KANSL1L: variants seen among roughly 807,000 people sequenced by gnomAD.
KANSL1L encodes the protein KAT8 regulatory NSL complex subunit 1-like protein.
In KANSL1L, 25 loss-of-function variants were observed where a neutral mutation model predicts 108.6. The observed-to-expected ratio is 0.23, with a 90% CI of 0.17 to 0.32. KANSL1L has a LOEUF of 0.32. Among genes scored for constraint, KANSL1L ranks in the 10% least tolerant of loss-of-function variants. KANSL1L has a pLI of 1.00. For missense variants in KANSL1L, 1,137 were observed against 1,125.7 expected (o/e 1.01, Z -0.14); for synonymous variants, 405 against 395.1 (o/e 1.03, Z -0.30).
chr2:210,128,328 C>G (rs954995167), intron 3 of KANSL1L, among the ~76,000 whole-genome samples: 1 of 152,124 alleles, frequency 6.6e-6, no homozygotes, highest in African/African-American at 2.4e-5. Context: ...TCATAGCATA[C>G]TCACAATAGC....
At chr2:210,141,892 A>T (rs913698891) in intron 2 of KANSL1L, among the ~76,000 whole-genome samples, 5 of 152,138 alleles carry the variant, frequency 3.3e-5, no homozygotes, top group African/African-American at 1.2e-4. Context: ...CATCCCAGGG[A>T]TAAATTCCAC....
chr2:210,097,802 T>C (rs1168062714), intron 5 of KANSL1L: 3 of 192,298 alleles, frequency 1.6e-5, no homozygotes, highest in Non-Finnish European at 3.2e-5. Context: ...GTATATTAAA[T>C]AAGGCAGTAC....
Position 210,145,929 on chromosome 2 carries a change from G to A in KANSL1L, c.1088+7566C>T, listed in dbSNP as rs371422022. Among the ~76,000 whole-genome samples the A allele has an allele frequency of 2.2e-4, 34 of 152,128 alleles. No individual in the cohort carries two copies. In the East Asian group the frequency reaches 5.8e-3, roughly 26 times the overall value. On this transcript the variant is annotated intron_variant, in intron 2 of 14. Coordinates refer to ENST00000281772, the MANE Select transcript of KANSL1L (RefSeq NM_152519.4). ...TGGGGCAGTGGAAGCTCTGGAGTCT[G>A]GGGCTCATGTCAGGATTGGGAGGGT...
chr2:210,061,203 T>TA (rs1003846098), intron 6 of KANSL1L, among the ~76,000 whole-genome samples: 6 of 152,246 alleles, frequency 3.9e-5, no homozygotes, highest in African/African-American at 1.2e-4. Context: ...ATAATTATTG[T>TA]AACTATTAGC....
At chr2:210,057,248 A>C (rs188295323) in intron 6 of KANSL1L, among the ~76,000 whole-genome samples, 12 of 152,272 alleles carry the variant, frequency 7.9e-5, no homozygotes, top group Non-Finnish European at 1.5e-4. Flanking sequence ...CTAAAAATAC[A>C]AAAATTAGGT....
Position 210,127,543 on chromosome 2 carries a change from T to C in KANSL1L, c.1230+1488A>G, listed in dbSNP as rs181526135. 9.2e-5 allele frequency among the ~76,000 whole-genome samples: 14 copies of C among 152,136 alleles called. No individual in the cohort carries two copies. The Middle Eastern group carries it at 0.01, about 111-fold the overall frequency. Reference sequence around the variant, plus strand: ...TGAGCACAGGGGCTCACATTTGTCATACCAGCACTTTTTGAGAGGCCAAGA... The same window carrying C: ...TGAGCACAGGGGCTCACATTTGTCACACCAGCACTTTTTGAGAGGCCAAGA... On this transcript the variant is annotated intron_variant, in intron 3 of 14. Coordinates refer to ENST00000281772, the MANE Select transcript of KANSL1L (RefSeq NM_152519.4).
intron 6 of KANSL1L, among the ~76,000 whole-genome samples, chr2:210,048,544 T>C (rs1372778251): frequency 6.6e-6 from 1 of 152,132 alleles, no homozygotes; most frequent in Non-Finnish European, 1.5e-5. Context: ...AGTTATTTTG[T>C]AGGAATATGT....
At chr2:210,130,790 G>T (rs1291550002) in intron 2 of KANSL1L, among the ~76,000 whole-genome samples, 1 of 150,616 alleles carries the variant, frequency 6.6e-6, no homozygotes, top group Non-Finnish European at 1.5e-5. Flanking sequence ...CACAGGTGAG[G>T]ATAAAATGTT....
chr2:210,024,488 T>C (rs2093908001), intron 13 of KANSL1L, among the ~76,000 whole-genome samples: 1 of 152,142 alleles, frequency 6.6e-6, no homozygotes, highest in African/African-American at 2.4e-5. Context: ...AAATGAAAGA[T>C]GCTCCTTAAC....
intron 6 of KANSL1L, among the ~76,000 whole-genome samples, chr2:210,046,374 T>A (rs116288677): frequency 0.016 from 2,433 of 152,206 alleles, 29 homozygotes; most frequent in Non-Finnish European, 0.026. Context: ...CATCTAAATA[T>A]CATCTAAATC....
rs560477741 is a variant in KANSL1L, at chr2:210,168,904, T to G, written c.-30+2245A>C. On this transcript the variant is annotated intron_variant, in intron 1 of 14. Coordinates refer to ENST00000281772, the MANE Select transcript of KANSL1L (RefSeq NM_152519.4). ...TATTTATTGAGCACCCACTAAGTGA[T>G]CTGCAGCATGTCAAACATGAAATAT... 3.3e-5 allele frequency among the ~76,000 whole-genome samples: 5 copies of G among 152,260 alleles called. No homozygotes were observed. In the South Asian group the frequency reaches 1.0e-3, roughly 32 times the overall value.
chr2:210,090,725 G>A (rs1055389929), intron 5 of KANSL1L, among the ~76,000 whole-genome samples: 15 of 151,968 alleles, frequency 9.9e-5, no homozygotes, highest in Non-Finnish European at 7.4e-5. Context: ...AAGAGATGGG[G>A]TCTCACTATA....
At chr2:210,052,542 G>C (rs915414376) in intron 6 of KANSL1L, among the ~76,000 whole-genome samples, 8 of 152,066 alleles carry the variant, frequency 5.3e-5, no homozygotes, top group Non-Finnish European at 1.0e-4. Flanking sequence ...CTTCAATCAA[G>C]TCTCTAATCT....
At position 210,153,958 on chromosome 2, in the gene KANSL1L, C is replaced by A. The variant is rs757820801; in HGVS notation, c.625G>T (p.Val209Phe). The change falls in exon 2 of 15, where the codon GTT becomes TTT. Residue 209 changes from valine (V) to phenylalanine (F), a missense_variant. This residue lies in a region of KANSL1L where 556 missense variants were observed against 537.7 expected (regional missense o/e 1.03). Transcript: ENST00000281772. ...TCTTTTTCAGCAGCTGAAGAACTAA[C>A]AGGCACATTTGAGTGGCCAGGTACA... Reference protein sequence around the residue: ...KIVPGHSNVPVSSSAAEKEEE... With the variant: ...KIVPGHSNVPFSSSAAEKEEE... 16 of 1,613,466 alleles carry A rather than the reference C, an allele frequency of 9.9e-6. No homozygotes were observed. The East Asian group carries it at 3.1e-4, about 31-fold the overall frequency.
intron 2 of KANSL1L, among the ~76,000 whole-genome samples, chr2:210,137,795 C>T (rs2095188225): frequency 1.3e-5 from 2 of 152,094 alleles, no homozygotes; most frequent in African/African-American, 4.8e-5. Context: ...CTTTGGTAGG[C>T]CGAGGCAGGC....
chr2:210,105,128 AG>A (rs376452231), intron 3 of KANSL1L, among the ~76,000 whole-genome samples: 8 of 152,148 alleles, frequency 5.3e-5, no homozygotes, highest in African/African-American at 1.4e-4. Context: ...GAGACAACAG[AG>A]AAAGAGAAAA....
At chr2:210,145,669 G>A (rs2095260266) in intron 2 of KANSL1L, among the ~76,000 whole-genome samples, 1 of 152,210 alleles carries the variant, frequency 6.6e-6, no homozygotes, top group Non-Finnish European at 1.5e-5. Context: ...GGGGTCCAAG[G>A]AGTGGTCTAG....
rs180760920 is a variant in KANSL1L, at chr2:210,105,966, C to A, written c.1231-1665G>T. ...TGAAAAGCTCTTGAGAGTATCCATT[C>A]AAAATTTCTACAAGTCTACACACAA... On this transcript the variant is annotated intron_variant, in intron 3 of 14. Transcript: ENST00000281772. Among the ~76,000 whole-genome samples, 10 of 152,196 alleles carry A rather than the reference C, an allele frequency of 6.6e-5. No homozygotes were observed. The East Asian group carries it at 7.7e-4, about 12-fold the overall frequency.
intron 6 of KANSL1L, among the ~76,000 whole-genome samples, chr2:210,047,585 G>A (rs954352500): frequency 1.3e-5 from 2 of 152,088 alleles, no homozygotes; most frequent in African/African-American, 4.8e-5. Flanking sequence ...CTCTGTTCAG[G>A]ATTATTTAGG....
Sources: gnomAD v4.1 joint callset for allele counts (sites outside exome capture counted in the v4.1 genomes callset) on GRCh38, gnomAD v4.1.1 for gene constraint, gnomAD v4.1.1 regional missense constraint, MANE v1.5 for transcripts, NCBI Gene and HGNC (gene_info 2026-07-23, HGNC 2026-07-21) for gene names.